The following CR1 variants were observed in gnomAD, a reference collection of about 807,000 sequenced individuals.
CR1 encodes the protein complement C3b/C4b receptor 1 (Knops blood group), also known as complement receptor type 1.
In CR1, 116 loss-of-function variants were observed where a neutral mutation model predicts 187.3. The observed-to-expected ratio is 0.62, with a 90% CI of 0.53 to 0.72. CR1 has a LOEUF of 0.72. Among genes scored for constraint, CR1 ranks in the 30% least tolerant of loss-of-function variants. The pLI, the probability that CR1 is intolerant of heterozygous loss-of-function variation, is 0.00. For synonymous variants in CR1, 576 were observed against 747.1 expected (o/e 0.77, Z 3.73); for missense variants, 1,731 against 2,110.7 (o/e 0.82, Z 3.52).
intron 2 of CR1, 69 bp downstream of exon 2, chr1:207,506,152 A>C (rs1572990393): frequency 6.4e-7 from 1 of 1,559,098 alleles, no homozygotes; most frequent in South Asian, 1.2e-5. Flanking sequence ...AATTTGTTCA[A>C]ATTTTGTAAC....
intron 46 of CR1, among the ~76,000 whole-genome samples, chr1:207,636,571 A>T (rs1328564041): frequency 1.3e-5 from 2 of 152,234 alleles, no homozygotes; most frequent in East Asian, 3.8e-4. Context: ...TTTTTGATCA[A>T]TACCAGATTG....
chr1:207,617,333 C>T (rs556256367), intron 41 of CR1, among the ~76,000 whole-genome samples: 2 of 150,692 alleles, frequency 1.3e-5, no homozygotes, highest in South Asian at 2.1e-4. Context: ...TGATCCTTCA[C>T]CTCAACATTA....
At chr1:207,614,571 T>C (rs2102391512) in intron 40 of CR1, 82 bp downstream of exon 40, 1 of 1,070,104 alleles carries the variant, frequency 9.3e-7, no homozygotes, top group Middle Eastern at 2.1e-4. Context: ...CATCACCTGT[T>C]GTCTAGATCT....
At chr1:207,524,390 AT>A (rs1334902040) in intron 5 of CR1, among the ~76,000 whole-genome samples, 1 of 151,932 alleles carries the variant, frequency 6.6e-6, no homozygotes, top group Non-Finnish European at 1.5e-5. Flanking sequence ...GTTTGTCTGT[AT>A]TGTTTTGCTT....
chr1:207,620,136 C>A, intron 43 of CR1, 71 bp downstream of exon 43: 1 of 1,466,264 alleles, frequency 6.8e-7, no homozygotes, highest in Non-Finnish European at 9.3e-7. Context: ...TCCATATTGG[C>A]ATCAAGTGTA....
At chr1:207,617,340 A>G (rs1662129475) in intron 41 of CR1, among the ~76,000 whole-genome samples, 1 of 150,998 alleles carries the variant, frequency 6.6e-6, no homozygotes, top group African/African-American at 2.4e-5. Flanking sequence ...TCACCTCAAC[A>G]TTAACAAAGG....
intron 23 of CR1, among the ~76,000 whole-genome samples, chr1:207,565,204 TGCCAGCACCCA>T (rs2102323705): frequency 6.7e-6 from 1 of 150,320 alleles, no homozygotes; most frequent in South Asian, 2.1e-4. Context: ...AGCCTCCAAA[TGCCAGCACCCA>T]GTAAGAGTTA....
chr1:207,567,017 G>T (rs1019597410), intron 24 of CR1, among the ~76,000 whole-genome samples: 2 of 150,220 alleles, frequency 1.3e-5, no homozygotes, highest in Non-Finnish European at 2.9e-5. Flanking sequence ...ATGAATGAAA[G>T]CTCATTAACT....
chr1:207,556,703 T>G (rs2102319480), intron 19 of CR1, among the ~76,000 whole-genome samples: 1 of 42,784 alleles, frequency 2.3e-5, no homozygotes, highest in Non-Finnish European at 5.1e-5. Context: ...TGCAGAAAAT[T>G]AAAGCAAAGA....
intron 39 of CR1, among the ~76,000 whole-genome samples, chr1:207,613,078 ACAGG>A (rs1661983052): frequency 6.6e-6 from 1 of 152,158 alleles, no homozygotes; most frequent in East Asian, 1.9e-4. Flanking sequence ...CCACAGTGTT[ACAGG>A]CTTCTTTGTA....
intron 1 of CR1, among the ~76,000 whole-genome samples, chr1:207,500,367 A>T (rs552146873): frequency 6.6e-6 from 1 of 152,348 alleles, no homozygotes; most frequent in Admixed American, 6.5e-5. Context: ...AAGCAAAGCA[A>T]GTGCAAATCT....
At chr1:207,510,746 T>TTCCTTCCTTCCTTCC (rs1199161799) in intron 3 of CR1, among the ~76,000 whole-genome samples, 14,443 of 148,416 alleles carry the variant, frequency 0.097, 959 homozygotes, top group South Asian at 0.13. Flanking sequence ...TCCTTCCTTC[T>TTCCTTCCTTCCTTCC]TTCCTTCCTT....
chr1:207,519,281 T>C (rs1358695661), intron 4 of CR1, among the ~76,000 whole-genome samples: 1 of 151,942 alleles, frequency 6.6e-6, no homozygotes, highest in Non-Finnish European at 1.5e-5. Flanking sequence ...TTGGTGTGTT[T>C]GGAACATTAA....
At chr1:207,621,880 G>GA in intron 43 of CR1, 93 bp from the exon 44 acceptor site, 1 of 1,038,438 alleles carries the variant, frequency 9.6e-7, no homozygotes, top group Non-Finnish European at 1.4e-6. Context: ...GAGTCCTGAA[G>GA]AAAAATCAGG....
chr1:207,496,539 G>A (rs1449203796), intron 1 of CR1, among the ~76,000 whole-genome samples, 151 bp downstream of exon 1: 1 of 152,248 alleles, frequency 6.6e-6, no homozygotes, highest in East Asian at 1.9e-4. Flanking sequence ...ACCCGGCAGG[G>A]CGGCGGGTGT....
intron 32 of CR1, among the ~76,000 whole-genome samples, chr1:207,582,959 G>A (rs965748231): frequency 3.3e-5 from 5 of 152,144 alleles, no homozygotes; most frequent in African/African-American, 1.2e-4. Flanking sequence ...ATATCCAGAT[G>A]GATATGTTGG....
rs113247278 is a variant in CR1, at chr1:207,616,673, G to A, written c.6760G>A (p.Asp2254Asn). 7.5e-4 allele frequency: 1,208 copies of A among 1,613,886 alleles called. 6 individuals carry two copies. In the African/African-American group the frequency reaches 0.014, roughly 19 times the overall value. ...PYGKEISYAC[D>N]THPDRGMTFN... Reference sequence around the variant, plus strand: ...TGGAAAAGAAATATCTTACGCATGCGACACCCACCCAGACAGAGGGATGAC... The same window carrying A: ...TGGAAAAGAAATATCTTACGCATGCAACACCCACCCAGACAGAGGGATGAC... The change falls in exon 41 of 47, where the codon GAC becomes AAC. Residue 2254 changes from aspartate to asparagine, a missense_variant. Transcript: ENST00000367049.
At chr1:207,503,568 G>C (rs544490963) in intron 1 of CR1, among the ~76,000 whole-genome samples, 1 of 152,240 alleles carries the variant, frequency 6.6e-6, no homozygotes, top group South Asian at 2.1e-4. Context: ...CAGCACCATA[G>C]TGTCTCTGAA....
chr1:207,618,956 T>C (rs1369944279), intron 42 of CR1, among the ~76,000 whole-genome samples: 2 of 147,510 alleles, frequency 1.4e-5, no homozygotes, highest in Non-Finnish European at 3.0e-5. Flanking sequence ...TGAGAATCAC[T>C]TGAACCCAGA....
Sources: gnomAD v4.1 joint callset for allele counts (sites outside exome capture counted in the v4.1 genomes callset) on GRCh38, gnomAD v4.1.1 for gene constraint, MANE v1.5 for transcripts, NCBI Gene and HGNC (gene_info 2026-07-23, HGNC 2026-07-21) for gene names.